Variants in DLGAP4 observed in about 807,000 individuals in gnomAD.
The protein encoded by DLGAP4 is disks large-associated protein 4.
A neutral mutation model predicts 86.9 loss-of-function variants in DLGAP4; 18 were observed. The observed-to-expected ratio is 0.21, with a 90% confidence interval of 0.14 to 0.31. DLGAP4 has a LOEUF of 0.31. DLGAP4 is among the 10% of genes least tolerant of loss of function. DLGAP4 has a pLI of 1.00. For missense variants in DLGAP4, 1,085 were observed against 1,362.6 expected (o/e 0.80, Z 3.21); for synonymous variants, 548 against 574.3 (o/e 0.95, Z 0.65).
In DLGAP4 at chr20:36,432,482, AACC is replaced by A. The variant is rs1269891123; in HGVS notation, c.770_772del (p.Thr257del). ...ACACCATCAGTGGGCACATGCTCAA[AACC>A]ACCAAGAACAACACTACTGAGCTGA... On this transcript the variant is annotated inframe_deletion, in exon 3 of 13. Coordinates refer to ENST00000339266, the MANE Select transcript of DLGAP4 (RefSeq NM_001365621.2). The surrounding 1 kb of genome is among the most constrained non-coding windows in gnomAD (Gnocchi z 6.5). The A allele has an allele frequency of 6.2e-7, 1 of 1,613,146 alleles. No homozygotes were observed. Among genetic ancestry groups the A allele is most frequent in the African/African-American group, 1.3e-5 (1 of 74,780 alleles).
chr20:36,458,953 G>A (rs1481888613), intron 7 of DLGAP4, among the ~76,000 whole-genome samples: 1 of 152,178 alleles, frequency 6.6e-6, no homozygotes, highest in Non-Finnish European at 1.5e-5. Context: ...AGAAGGAATG[G>A]TTACACAGCC....
chr20:36,515,705 G>A (rs1351891367), intron 10 of DLGAP4, among the ~76,000 whole-genome samples: 3 of 152,142 alleles, frequency 2.0e-5, no homozygotes, highest in Non-Finnish European at 2.9e-5. Context: ...AATTACAGGC[G>A]TGAGCCACTG....
chr20:36,413,314 C>T (rs1399118294), intron 2 of DLGAP4, among the ~76,000 whole-genome samples: 2 of 150,826 alleles, frequency 1.3e-5, no homozygotes, highest in Non-Finnish European at 2.9e-5. Context: ...TAACAGAGAC[C>T]TTGTACCCAT....
chr20:36,462,861 G>A (rs533901235), intron 7 of DLGAP4, among the ~76,000 whole-genome samples: 1 of 152,258 alleles, frequency 6.6e-6, no homozygotes, highest in African/African-American at 2.4e-5. Context: ...ACTTGGCCCC[G>A]CATGGCCTGG....
rs139367194 is a variant in DLGAP4, at chr20:36,446,701, G to A, written c.1412G>A (p.Arg471Gln). ...PQLFGHEQQV[R>Q]EAELSDQYEA... ...TGCCTGCCTTTGCCTGGACAGGTAC[G>A]GGAGGCAGAGCTGAGTGACCAGTAT... Residue 471 changes from arginine to glutamine, a missense_variant, in exon 7 of 13, where the codon CGG becomes CAG. Transcript: ENST00000339266. 2.2e-5 allele frequency: 35 copies of A among 1,600,390 alleles called. No individual in the cohort carries two copies. The highest frequency in any genetic ancestry group is 3.4e-5 in the Admixed American group (2 of 59,700).
rs375007758 is a variant in DLGAP4, at chr20:36,431,756, C to T, written c.39C>T (p.Ser13=). ...GLGDSRPRHL[S]DSLDPPHEPL... is the part of the protein sequence containing the mutation. ...GTGACAGCCGCCCCCGCCACCTCTC[C>T]GACAGCCTAGACCCACCCCACGAGC... Residue 13 remains serine (S), a synonymous_variant, in exon 3 of 13, where the codon TCC becomes TCT. Transcript: ENST00000339266. The surrounding 1 kb of genome is among the most constrained non-coding windows in gnomAD (Gnocchi z 5.1). 25 of 1,606,406 alleles carry T rather than the reference C, an allele frequency of 1.6e-5. 1 individual carries two copies. The East Asian group carries it at 2.9e-4, about 19-fold the overall frequency.
intron 10 of DLGAP4, chr20:36,507,763 G>C (rs2036460190): frequency 6.6e-6 from 1 of 152,372 alleles, no homozygotes; most frequent in Non-Finnish European, 1.5e-5. Flanking sequence ...AGTTCAGAAA[G>C]AGCGTGGCAG....
chr20:36,312,617 G>T (rs2065063054), intron 1 of DLGAP4, among the ~76,000 whole-genome samples: 1 of 152,168 alleles, frequency 6.6e-6, no homozygotes, highest in East Asian at 1.9e-4. Flanking sequence ...TGGAGCAAAA[G>T]ACTTATTGAG....
intron 7 of DLGAP4, among the ~76,000 whole-genome samples, chr20:36,477,923 C>T (rs2035018040): frequency 6.6e-6 from 1 of 152,214 alleles, no homozygotes. Flanking sequence ...CTACCCTCCA[C>T]AAGTTGCAGC....
intron 2 of DLGAP4, among the ~76,000 whole-genome samples, chr20:36,384,398 G>C (rs978388250): frequency 6.6e-6 from 1 of 152,194 alleles, no homozygotes; most frequent in Non-Finnish European, 1.5e-5. Context: ...GGTAGGATTT[G>C]AGCCTCTGTT....
chr20:36,469,111 A>C (rs1034522210), intron 7 of DLGAP4, among the ~76,000 whole-genome samples: 1 of 152,190 alleles, frequency 6.6e-6, no homozygotes, highest in Non-Finnish European at 1.5e-5. Context: ...GTTCACTGGT[A>C]GAAAGAGGCT....
intron 8 of DLGAP4, chr20:36,499,319 A>G: frequency 6.2e-7 from 1 of 1,613,066 alleles, no homozygotes; most frequent in Non-Finnish European, 8.5e-7. Flanking sequence ...CACCCTCCTC[A>G]GAGTAGGGAA....
Position 36,527,054 on chromosome 20 carries a change from G to A in DLGAP4, c.*23G>A, listed in dbSNP as rs564490882. 64 of 1,563,942 alleles carry A rather than the reference G, an allele frequency of 4.1e-5. 1 individual carries two copies. In the South Asian group the frequency reaches 6.5e-4, roughly 16 times the overall value. On this transcript the variant is annotated 3_prime_UTR_variant, in exon 13 of 13. Coordinates refer to ENST00000339266, the MANE Select transcript of DLGAP4 (RefSeq NM_001365621.2). Reference sequence around the variant, plus strand: ...TGAGACCATGCAGGAGGAAAGAAACGATTTTAAATCATTAAAAACACAAAA... The same window carrying A: ...TGAGACCATGCAGGAGGAAAGAAACAATTTTAAATCATTAAAAACACAAAA...
intron 7 of DLGAP4, among the ~76,000 whole-genome samples, chr20:36,454,228 C>T (rs1270187575): frequency 6.8e-6 from 1 of 146,522 alleles, no homozygotes; most frequent in African/African-American, 2.5e-5. Flanking sequence ...TATTACACTC[C>T]AGCCTGGGCG....
chr20:36,426,317 C>G (rs1476235643), intron 2 of DLGAP4, among the ~76,000 whole-genome samples: 3 of 152,130 alleles, frequency 2.0e-5, no homozygotes, highest in Admixed American at 1.3e-4. Flanking sequence ...GAGTTCAAGA[C>G]CAGCCTGGCC....
At chr20:36,373,736 A>T (rs1294287731) in intron 2 of DLGAP4, among the ~76,000 whole-genome samples, 1 of 152,198 alleles carries the variant, frequency 6.6e-6, no homozygotes, top group South Asian at 2.1e-4. Context: ...CAATGCAACT[A>T]TTGAAAGGAG....
At chr20:36,356,611 CGTT>C (rs1186059822) in intron 1 of DLGAP4, among the ~76,000 whole-genome samples, 2 of 151,082 alleles carry the variant, frequency 1.3e-5, no homozygotes, top group Non-Finnish European at 2.9e-5. Flanking sequence ...GCGCCTGGCC[CGTT>C]GTTGTTTTTG....
Position 36,527,129 on chromosome 20 carries a change from T to G in DLGAP4, c.*98T>G, listed in dbSNP as rs1337871908. On this transcript the variant is annotated 3_prime_UTR_variant, in exon 13 of 13. Transcript: ENST00000339266. ...TTCTCAACCTTTGCTATGGTTATTC[T>G]GTCTAGAGACCCTGAGCCAACTTTC... 1.5e-6 allele frequency: 2 copies of G among 1,320,618 alleles called. No homozygotes were observed. The highest frequency in any genetic ancestry group is 1.5e-5 in the African/African-American group (1 of 67,386). The allele number at this position is 1,320,618 out of a possible 1,614,324, so 81.8% of individuals were successfully genotyped here.
chr20:36,479,858 C>T (rs1365304282), intron 7 of DLGAP4, among the ~76,000 whole-genome samples: 1 of 152,138 alleles, frequency 6.6e-6, no homozygotes, highest in Non-Finnish European at 1.5e-5. Flanking sequence ...TGAGACCCCT[C>T]ATTTCTGCCC....
Sources: gnomAD v4.1 joint callset for allele counts (sites outside exome capture counted in the v4.1 genomes callset) on GRCh38, gnomAD v4.1.1 for gene constraint, Gnocchi (gnomAD v3.1) non-coding constraint, MANE v1.5 for transcripts, NCBI Gene and HGNC (gene_info 2026-07-23, HGNC 2026-07-21) for gene names.